Variants in CHODL observed in about 807,000 individuals in gnomAD.
CHODL encodes transmembrane protein MT75.
CHODL carries 29 observed loss-of-function variants against 34.5 expected under a neutral mutation model. The ratio of observed to expected loss-of-function variants is 0.84; its 90% confidence interval spans 0.63 to 1.15. CHODL has a LOEUF of 1.15. Ranked by LOEUF, CHODL falls within the 50% of genes most tolerant of loss-of-function variation. The pLI, the probability that CHODL is intolerant of heterozygous loss-of-function variation, is 0.00. For missense variants in CHODL, 332 were observed against 332.5 expected (o/e 1.00, Z 0.01); for synonymous variants, 125 against 116.1 (o/e 1.08, Z -0.49).
intron 2 of CHODL, among the ~76,000 whole-genome samples, chr21:18,169,987 G>A (rs1601098699): frequency 6.6e-6 from 1 of 151,950 alleles, no homozygotes; most frequent in Admixed American, 6.5e-5. Flanking sequence ...TCGCATTTCA[G>A]TTTTGAATTT....
chr21:18,081,507 C>G (rs746496246), intron 2 of CHODL, among the ~76,000 whole-genome samples: 1 of 151,744 alleles, frequency 6.6e-6, no homozygotes, highest in Non-Finnish European at 1.5e-5. Context: ...ATGGTAAAAC[C>G]CTGTCTCAAC....
At chr21:18,167,633 G>A (rs569521729) in intron 2 of CHODL, among the ~76,000 whole-genome samples, 1 of 152,114 alleles carries the variant, frequency 6.6e-6, no homozygotes, top group South Asian at 2.1e-4. Flanking sequence ...TGAAGGATCA[G>A]CTCTTTGATT....
intron 1 of CHODL, among the ~76,000 whole-genome samples, chr21:18,007,969 C>G (rs2063976049): frequency 6.6e-6 from 1 of 152,072 alleles, no homozygotes; most frequent in African/African-American, 2.4e-5. Flanking sequence ...AAAATCCATG[C>G]ATAAATCTAT....
At chr21:18,093,539 TAGAC>T (rs926515242) in intron 2 of CHODL, among the ~76,000 whole-genome samples, 6 of 152,112 alleles carry the variant, frequency 3.9e-5, no homozygotes, top group African/African-American at 1.4e-4. Flanking sequence ...TTTCAATAAG[TAGAC>T]AGTACAATGA....
intron 2 of CHODL, among the ~76,000 whole-genome samples, chr21:18,125,576 G>T (rs1052582007): frequency 6.6e-6 from 1 of 151,824 alleles, no homozygotes; most frequent in Non-Finnish European, 1.5e-5. Flanking sequence ...TTAATTAATT[G>T]TATTAATTAC....
chr21:18,006,180 A>T (rs751550084), intron 1 of CHODL, among the ~76,000 whole-genome samples: 12 of 151,998 alleles, frequency 7.9e-5, no homozygotes, highest in Non-Finnish European at 1.6e-4. Context: ...TGAGTTCTCC[A>T]TTACACCTCT....
intron 2 of CHODL, among the ~76,000 whole-genome samples, chr21:18,127,667 C>A (rs927773837): frequency 1.7e-5 from 2 of 120,184 alleles, no homozygotes; most frequent in East Asian, 4.6e-4. Flanking sequence ...AGTTGCGTTG[C>A]CATTGTTTTT....
intron 1 of CHODL, among the ~76,000 whole-genome samples, chr21:17,952,009 G>T (rs1411921334): frequency 6.6e-6 from 1 of 151,956 alleles, no homozygotes; most frequent in Non-Finnish European, 1.5e-5. Flanking sequence ...TGAGGCAGGA[G>T]GACTGCTTGA....
intron 2 of CHODL, among the ~76,000 whole-genome samples, chr21:18,168,839 AT>A (rs1311046207): frequency 6.6e-6 from 1 of 152,196 alleles, no homozygotes; most frequent in African/African-American, 2.4e-5. Context: ...ACATTGACTA[AT>A]ATAAGACCAC....
chr21:18,118,084 A>G (rs1194664880), intron 2 of CHODL, among the ~76,000 whole-genome samples: 1 of 152,210 alleles, frequency 6.6e-6, no homozygotes, highest in African/African-American at 2.4e-5. Context: ...GTACCTTTAC[A>G]TGTTTTCAAT....
intron 1 of CHODL, among the ~76,000 whole-genome samples, chr21:18,008,255 T>C (rs557170836): frequency 1.3e-5 from 2 of 152,246 alleles, no homozygotes; most frequent in South Asian, 4.1e-4. Context: ...ATACCCATGA[T>C]ACCGTCATCA....
intron 2 of CHODL, among the ~76,000 whole-genome samples, chr21:18,038,861 G>A (rs1054626424): frequency 6.6e-6 from 1 of 151,576 alleles, no homozygotes; most frequent in African/African-American, 2.4e-5. Flanking sequence ...AACATTAATT[G>A]TAAGTCCCTT....
intron 1 of CHODL, among the ~76,000 whole-genome samples, chr21:17,953,423 T>C (rs891178454): frequency 2.0e-5 from 3 of 152,086 alleles, no homozygotes; most frequent in Non-Finnish European, 4.4e-5. Context: ...GCCACGATTG[T>C]GCCACTGCAC....
At chr21:17,936,475 AAAAG>A (rs2063320165) in intron 1 of CHODL, among the ~76,000 whole-genome samples, 1 of 151,996 alleles carries the variant, frequency 6.6e-6, no homozygotes, top group African/African-American at 2.4e-5. Flanking sequence ...AAAAAAAAAA[AAAAG>A]AATCATCAGA....
At chr21:18,030,317 C>T (rs972697754) in intron 2 of CHODL, among the ~76,000 whole-genome samples, 2 of 152,170 alleles carry the variant, frequency 1.3e-5, no homozygotes, top group Non-Finnish European at 2.9e-5. Context: ...CATGTCTGGA[C>T]AACGAGCAGC....
intron 2 of CHODL, among the ~76,000 whole-genome samples, chr21:18,204,536 G>C (rs2073691164): frequency 6.6e-6 from 1 of 152,104 alleles, no homozygotes; most frequent in Admixed American, 6.5e-5. Flanking sequence ...GAGTACTGCA[G>C]TTATCCGGGA....
intron 2 of CHODL, among the ~76,000 whole-genome samples, chr21:18,207,207 C>T (rs1568937242): frequency 6.8e-6 from 1 of 147,960 alleles, no homozygotes; most frequent in Non-Finnish European, 1.5e-5. Flanking sequence ...CTGCAAAGGA[C>T]ATGAACTCAT....
chr21:17,960,418 A>G (rs1272565335), intron 1 of CHODL, among the ~76,000 whole-genome samples: 2 of 152,194 alleles, frequency 1.3e-5, no homozygotes, highest in Admixed American at 6.5e-5. Flanking sequence ...TGTTGCTTTC[A>G]AGGCTCTGTT....
chr21:18,232,364 C>T (rs2073987886), intron 2 of CHODL, among the ~76,000 whole-genome samples: 1 of 152,000 alleles, frequency 6.6e-6, no homozygotes, highest in Non-Finnish European at 1.5e-5. Context: ...TTATTTCTCA[C>T]AGTTCTGGAG....
Sources: allele counts gnomAD v4.1 joint callset (sites outside exome capture counted in the v4.1 genomes callset), GRCh38; gene constraint gnomAD v4.1.1; transcripts MANE v1.5; gene names NCBI Gene and HGNC (gene_info 2026-07-23, HGNC 2026-07-21).